Variants in PPARG observed in about 807,000 individuals in gnomAD.
PPARG encodes the protein peroxisome proliferator activated receptor gamma.
A neutral mutation model predicts 39.2 loss-of-function variants in PPARG; 17 were observed. The observed-to-expected ratio is 0.43, with a 90% confidence interval of 0.30 to 0.65. PPARG has a LOEUF of 0.65. Ranked by LOEUF, PPARG falls within the 30% of genes least tolerant of loss-of-function variation. PPARG has a pLI of 0.13. For synonymous variants in PPARG, 223 were observed against 215.7 expected (o/e 1.03, Z -0.30); for missense variants, 406 against 585.9 (o/e 0.69, Z 3.17).
At chr3:12,326,785 T>TAATACTGATCA (rs2047707908) in intron 2 of PPARG, among the ~76,000 whole-genome samples, 1 of 151,888 alleles carries the variant, frequency 6.6e-6, no homozygotes, top group Non-Finnish European at 1.5e-5. Flanking sequence ...GGGTAGAAAC[T>TAATACTGATCA]AATACTGATC....
At chr3:12,307,138 C>CTTTTT (rs71268430) in intron 1 of PPARG, among the ~76,000 whole-genome samples, 44 of 128,796 alleles carry the variant, frequency 3.4e-4, no homozygotes, top group Middle Eastern at 4.4e-3. Flanking sequence ...TTAGGAAATT[C>CTTTTT]TTTTTTTTTT....
At chr3:12,394,658 TAACTA>T (rs1291004939) in intron 5 of PPARG, among the ~76,000 whole-genome samples, 1 of 152,188 alleles carries the variant, frequency 6.6e-6, no homozygotes, top group Non-Finnish European at 1.5e-5. Context: ...ATTGCAAACA[TAACTA>T]AGAAAACCTC....
intron 2 of PPARG, among the ~76,000 whole-genome samples, chr3:12,356,661 C>T (rs529468324): frequency 2.0e-5 from 3 of 152,218 alleles, no homozygotes; most frequent in East Asian, 1.9e-4. Flanking sequence ...TATTGAGTGC[C>T]GATTTTCAAG....
At chr3:12,323,682 ATCTG>A (rs1454910211) in intron 2 of PPARG, among the ~76,000 whole-genome samples, 2 of 152,044 alleles carry the variant, frequency 1.3e-5, no homozygotes, top group Admixed American at 1.3e-4. Context: ...TTAAACTGAG[ATCTG>A]TCTGTCTAAC....
At chr3:12,421,700 CA>C (rs2051267477) in intron 7 of PPARG, among the ~76,000 whole-genome samples, 1 of 152,176 alleles carries the variant, frequency 6.6e-6, no homozygotes, top group Non-Finnish European at 1.5e-5. Flanking sequence ...TTTTTCAAGG[CA>C]AATTGCCATC....
In PPARG at chr3:12,334,656, T is replaced by C. The variant is rs1179031178; in HGVS notation, c.-9+22203T>C. Among the ~76,000 whole-genome samples the C allele has an allele frequency of 2.0e-5, 3 of 152,208 alleles. No individual in the cohort carries two copies. In the East Asian group the frequency reaches 5.8e-4, roughly 29 times the overall value. The stretch of plus-strand genomic sequence containing the variant: ...TGGGAATAATTCCTACTTCTCAAGA[T>C]GAAATATATAATATATGCAAAAGTG... On this transcript the variant is annotated intron_variant, in intron 2 of 7. Coordinates refer to ENST00000651735, the MANE Select transcript of PPARG (RefSeq NM_138711.6).
intron 2 of PPARG, among the ~76,000 whole-genome samples, chr3:12,359,697 C>G (rs980765984): frequency 9.7e-5 from 10 of 103,566 alleles, no homozygotes; most frequent in Middle Eastern, 9.4e-3. Context: ...TTTTTTGAGA[C>G]AGAGTCTCAC....
intron 2 of PPARG, among the ~76,000 whole-genome samples, chr3:12,352,638 T>C (rs2048524831): frequency 6.6e-6 from 1 of 152,204 alleles, no homozygotes; most frequent in Non-Finnish European, 1.5e-5. Flanking sequence ...ATTAAGTCAC[T>C]TAATTGCTGA....
chr3:12,366,775 A>G (rs1240681869), intron 2 of PPARG, among the ~76,000 whole-genome samples: 1 of 152,104 alleles, frequency 6.6e-6, no homozygotes, highest in East Asian at 1.9e-4. Context: ...AATTCTTTTC[A>G]TACATTATCG....
At chr3:12,431,603 C>T (rs1313513826) in intron 7 of PPARG, among the ~76,000 whole-genome samples, 1 of 151,856 alleles carries the variant, frequency 6.6e-6, no homozygotes, top group South Asian at 2.1e-4. Flanking sequence ...AATAGATAAA[C>T]CTTTGACAAA....
chr3:12,374,891 G>A (rs959857968), intron 2 of PPARG, among the ~76,000 whole-genome samples: 3 of 152,060 alleles, frequency 2.0e-5, no homozygotes, highest in African/African-American at 7.2e-5. Context: ...AAAACAAAAC[G>A]AAAACAGAAA....
At chr3:12,309,725 A>G (rs1388872406) in intron 1 of PPARG, among the ~76,000 whole-genome samples, 1 of 152,220 alleles carries the variant, frequency 6.6e-6, no homozygotes, top group East Asian at 1.9e-4. Context: ...TCTTAAGTCA[A>G]CTTCACCATT....
chr3:12,421,356 T>C (rs1233905535), intron 7 of PPARG, among the ~76,000 whole-genome samples: 1 of 152,150 alleles, frequency 6.6e-6, no homozygotes, highest in Non-Finnish European at 1.5e-5. Flanking sequence ...GGCTGGGCGG[T>C]GTCAAGAGTA....
At chr3:12,381,562 T>C in intron 4 of PPARG, 71 bp downstream of exon 4, 5 of 1,483,690 alleles carry the variant, frequency 3.4e-6, no homozygotes, top group Non-Finnish European at 4.7e-6. Context: ...ACCCCTTTTT[T>C]AGGTGATACA....
chr3:12,406,738 C>T (rs2050687636), intron 6 of PPARG: 1 of 152,774 alleles, frequency 6.5e-6, no homozygotes, highest in East Asian at 1.9e-4. Flanking sequence ...CGGGGTTTCA[C>T]CTTGTTGATC....
intron 2 of PPARG, among the ~76,000 whole-genome samples, chr3:12,361,941 C>G (rs937735567): frequency 1.7e-4 from 26 of 152,242 alleles, no homozygotes; most frequent in Non-Finnish European, 3.4e-4. Context: ...AATATTGAGT[C>G]CTTCAATCCA....
intron 1 of PPARG, among the ~76,000 whole-genome samples, chr3:12,302,935 G>A (rs1034819414): frequency 1.3e-5 from 2 of 152,216 alleles, no homozygotes; most frequent in Non-Finnish European, 2.9e-5. Flanking sequence ...ATGCTCTGAA[G>A]CAGAGAATGA....
At chr3:12,403,279 C>T (rs556091073) in intron 5 of PPARG, among the ~76,000 whole-genome samples, 16 of 130,428 alleles carry the variant, frequency 1.2e-4, no homozygotes, top group South Asian at 8.2e-4. Flanking sequence ...GGTGACAGAA[C>T]GAGACCCTGT....
chr3:12,351,633 G>A (rs1055170892), intron 2 of PPARG: 2 of 1,612,002 alleles, frequency 1.2e-6, no homozygotes, highest in Non-Finnish European at 1.7e-6. Flanking sequence ...GACCCAGAAA[G>A]CGATTCCTTC....
Sources: gnomAD v4.1 joint callset for allele counts (sites outside exome capture counted in the v4.1 genomes callset) on GRCh38, gnomAD v4.1.1 for gene constraint, MANE v1.5 for transcripts, NCBI Gene and HGNC (gene_info 2026-07-23, HGNC 2026-07-21) for gene names.